ZBED4: variants seen among roughly 807,000 people sequenced by gnomAD.
ZBED4 encodes zinc finger BED domain-containing protein 4.
Under a neutral mutation model 15.5 loss-of-function variants are expected in ZBED4, and 4 were observed. The ratio of observed to expected loss-of-function variants is 0.26; its 90% CI spans 0.13 to 0.59. ZBED4 has a LOEUF of 0.59. ZBED4 is among the 20% of genes least tolerant of loss of function. The pLI, the probability that ZBED4 is intolerant of heterozygous loss-of-function variation, is 0.90. For synonymous variants in ZBED4, 692 were observed against 608.5 expected (o/e 1.14, Z -2.02); for missense variants, 1,323 against 1,461.8 (o/e 0.91, Z 1.55).
rs775780599 is a variant in ZBED4 at position 49,884,699 on chromosome 22, C to T, written c.1037C>T (p.Thr346Met). The T allele has an allele frequency of 9.4e-6, 15 of 1,597,770 alleles. No homozygotes were observed. In the East Asian group the frequency reaches 1.1e-4, roughly 12 times the overall value. ...RAIVLQENGGTGIPPLYSTPP... is the reference protein window; with the variant it reads ...RAIVLQENGGMGIPPLYSTPP... ...ATCGTGTTGCAGGAGAACGGGGGCA[C>T]GGGCATCCCGCCACTGTACTCCACC... The change falls in exon 2 of 2, where the codon ACG (threonine) becomes ATG (methionine). Residue 346 changes from threonine (T) to methionine (M), a missense_variant. By Grantham distance (81) the Thr-to-Met change is moderately conservative. Transcript: ENST00000216268.
At chr22:49,869,649 T>C (rs2060337774) in intron 1 of ZBED4, among the ~76,000 whole-genome samples, 2 of 152,216 alleles carry the variant, frequency 1.3e-5, no homozygotes, top group Non-Finnish European at 1.5e-5. Context: ...TTGGTTTTTT[T>C]CTTAAAATAG....
intron 1 of ZBED4, among the ~76,000 whole-genome samples, chr22:49,867,412 G>C (rs2295409): frequency 0.63 from 95,425 of 152,002 alleles, 35,010 homozygotes; most frequent in East Asian, 0.85. Flanking sequence ...CATCCACTGG[G>C]TCAGTTGGCT....
chr22:49,888,849 C>G lies in ZBED4; in HGVS notation c.*1671C>G, dbSNP rs1021898364. ...AGAGGAGGTGGGGTCCATGGCCCAC[C>G]CATCTCTCCCTCGCCAGCAGCCCTG... On this transcript the variant is annotated 3_prime_UTR_variant, in exon 2 of 2. Coordinates refer to ENST00000216268, the MANE Select transcript of ZBED4 (RefSeq NM_014838.3). 3.0e-5 allele frequency: 5 copies of G among 167,236 alleles called. No homozygotes were observed. The highest frequency in any genetic ancestry group is 1.2e-4 in the African/African-American group (5 of 41,440). The allele number at this position is 167,236 out of a possible 1,614,324, so 10.4% of individuals were successfully genotyped here. A position where few individuals can be genotyped will look rare whatever the true frequency, so the allele number is the denominator to read the frequency against.
At chr22:49,861,657 G>A (rs1379013126) in intron 1 of ZBED4, among the ~76,000 whole-genome samples, 1 of 152,064 alleles carries the variant, frequency 6.6e-6, no homozygotes, top group Non-Finnish European at 1.5e-5. Flanking sequence ...GGCTGGTCTT[G>A]AACTCTTGGG....
intron 1 of ZBED4, among the ~76,000 whole-genome samples, chr22:49,879,598 C>T (rs979779719): frequency 6.9e-6 from 1 of 145,860 alleles, no homozygotes. Flanking sequence ...AGTGTCTGGG[C>T]GTGTTTCTAT....
At chr22:49,868,998 C>T (rs1402558390) in intron 1 of ZBED4, among the ~76,000 whole-genome samples, 3 of 151,488 alleles carry the variant, frequency 2.0e-5, no homozygotes, top group African/African-American at 7.3e-5. Context: ...ATGGTGTATG[C>T]CTGTAATCCG....
At chr22:49,882,568 C>T (rs986673595) in intron 1 of ZBED4, among the ~76,000 whole-genome samples, 5 of 152,216 alleles carry the variant, frequency 3.3e-5, no homozygotes, top group South Asian at 2.1e-4. Context: ...CATCGTCCTC[C>T]GAGCTTCGGC....
At chr22:49,860,931 A>G (rs1192536155) in intron 1 of ZBED4, among the ~76,000 whole-genome samples, 1 of 151,528 alleles carries the variant, frequency 6.6e-6, no homozygotes, top group Non-Finnish European at 1.5e-5. Context: ...GGCGCCCACC[A>G]CCACGCCCAG....
At chr22:49,854,363 CG>C (rs1273632918) in intron 1 of ZBED4, among the ~76,000 whole-genome samples, 5 of 151,832 alleles carry the variant, frequency 3.3e-5, no homozygotes, top group Non-Finnish European at 7.4e-5. Flanking sequence ...GAGTTAACCC[CG>C]CGAGCCCCGT....
At chr22:49,857,254 C>T (rs529684444) in intron 1 of ZBED4, among the ~76,000 whole-genome samples, 5 of 152,246 alleles carry the variant, frequency 3.3e-5, no homozygotes, top group Admixed American at 6.5e-5. Context: ...TCCCCAGCAG[C>T]GTTCAGCCAT....
intron 1 of ZBED4, among the ~76,000 whole-genome samples, chr22:49,874,514 T>C (rs1435781195): frequency 6.6e-6 from 1 of 151,332 alleles, no homozygotes; most frequent in Non-Finnish European, 1.5e-5. Flanking sequence ...GCGTCCCAAG[T>C]AGCTGGGATT....
intron 1 of ZBED4, among the ~76,000 whole-genome samples, chr22:49,879,978 C>T (rs1296472527): frequency 1.3e-5 from 2 of 151,116 alleles, no homozygotes; most frequent in Non-Finnish European, 3.0e-5. Flanking sequence ...AGGTGGTTTT[C>T]TCCCGCTTCA....
intron 1 of ZBED4, among the ~76,000 whole-genome samples, chr22:49,856,367 C>T (rs528029245): frequency 8.5e-5 from 13 of 152,276 alleles, no homozygotes; most frequent in African/African-American, 2.6e-4. Context: ...GGAGAAACAC[C>T]GGCAGGTGAG....
At chr22:49,879,657 G>C in intron 1 of ZBED4, among the ~76,000 whole-genome samples, 1 of 103,414 alleles carries the variant, frequency 9.7e-6, no homozygotes. Context: ...CTATTGGTTG[G>C]TTTTTCTCCT....
At chr22:49,854,386 C>T (rs77706098) in intron 1 of ZBED4, among the ~76,000 whole-genome samples, 6,516 of 152,128 alleles carry the variant, frequency 0.043, 307 homozygotes, top group African/African-American at 0.12. Flanking sequence ...CCTGGGACTT[C>T]TCTGGACGTG....
At chr22:49,868,737 C>G (rs992927093) in intron 1 of ZBED4, among the ~76,000 whole-genome samples, 1 of 152,072 alleles carries the variant, frequency 6.6e-6, no homozygotes, top group African/African-American at 2.4e-5. Context: ...GCAGCTACTT[C>G]GTGCATGTGT....
rs200590187 is a variant in ZBED4 at position 49,884,669 on chromosome 22, G to A, written c.1007G>A (p.Arg336His). ...CLIRHMWRAH[R>H]AIVLQENGGT... is the part of the protein sequence containing the mutation. ...ATCAGGCACATGTGGAGGGCACACCGCGCCATCGTGTTGCAGGAGAACGGG... is the reference window on the plus strand; with the variant it reads ...ATCAGGCACATGTGGAGGGCACACCACGCCATCGTGTTGCAGGAGAACGGG... Residue 336 changes from arginine (R) to histidine (H), a missense_variant, in exon 2 of 2, where the codon CGC becomes CAC. By Grantham distance (29) the Arg-to-His change is conservative. Transcript: ENST00000216268. 2.3e-5 allele frequency: 37 copies of A among 1,609,596 alleles called. 1 individual carries two copies. Among genetic ancestry groups the A allele is most frequent in the East Asian group, 4.5e-5 (2 of 44,838 alleles).
intron 1 of ZBED4, among the ~76,000 whole-genome samples, chr22:49,871,357 G>C (rs1042179052): frequency 1.3e-5 from 2 of 152,006 alleles, no homozygotes; most frequent in Non-Finnish European, 2.9e-5. Flanking sequence ...GTGGTGGCAC[G>C]CACCTGTAAT....
chr22:49,886,775 C>G lies in ZBED4; in HGVS notation c.3113C>G (p.Ser1038Cys), dbSNP rs773691636. 2.5e-6 allele frequency: 4 copies of G among 1,612,386 alleles called. No individual in the cohort carries two copies. Among genetic ancestry groups the G allele is most frequent in the South Asian group, 1.1e-5 (1 of 90,890 alleles). Residue 1038 changes from serine (S) to cysteine (C), a missense_variant, in exon 2 of 2, where the codon TCT becomes TGT. Physicochemically the swap from Ser to Cys is moderately radical, Grantham distance 112 (BLOSUM62 -1). Transcript: ENST00000216268. The surrounding 1 kb of genome is among the most constrained non-coding windows in gnomAD (Gnocchi z 7.7). Reference sequence around the variant, plus strand: ...ATCAGGGAACTCGAACTCATGAATTCTACCTCAGAGGACGTGGCTGCCTCC... The same window carrying G: ...ATCAGGGAACTCGAACTCATGAATTGTACCTCAGAGGACGTGGCTGCCTCC... The part of the protein sequence containing the change: ...DLIRELELMN[S>C]TSEDVAASHR...
Sources: allele counts gnomAD v4.1 joint callset (sites outside exome capture counted in the v4.1 genomes callset), GRCh38; gene constraint gnomAD v4.1.1; non-coding constraint Gnocchi (gnomAD v3.1); transcripts MANE v1.5; gene names NCBI Gene and HGNC (gene_info 2026-07-23, HGNC 2026-07-21).